The following CCAR1 variants were observed in gnomAD, a reference collection of about 807,000 sequenced individuals.
The protein encoded by CCAR1 is cell division cycle and apoptosis regulator 1.
CCAR1 carries 78 observed loss-of-function variants against 163.8 expected under a neutral mutation model. The observed-to-expected ratio is 0.48, with a 90% CI of 0.40 to 0.57. CCAR1 has a LOEUF of 0.57. Ranked by LOEUF, CCAR1 falls within the 20% of genes least tolerant of loss-of-function variation. The pLI is 0.00. For synonymous variants in CCAR1, 443 were observed against 460.7 expected (o/e 0.96, Z 0.49); for missense variants, 1,019 against 1,365.2 (o/e 0.75, Z 4.00).
intron 17 of CCAR1, among the ~76,000 whole-genome samples, chr10:68,766,779 C>G (rs531302657): frequency 2.3e-4 from 35 of 152,354 alleles, no homozygotes; most frequent in South Asian, 2.3e-3. Flanking sequence ...CCCGCCTCAG[C>G]CTCCCAAAGT....
At chr10:68,753,089 T>C (rs1215349693) in intron 10 of CCAR1, among the ~76,000 whole-genome samples, 1 of 9,332 alleles carries the variant, frequency 1.1e-4, no homozygotes, top group Non-Finnish European at 2.3e-4. Flanking sequence ...TTCATACTTC[T>C]GCTTTTAGTT....
At chr10:68,721,623 G>A in intron 1 of CCAR1, 1 of 444,534 alleles carries the variant, frequency 2.2e-6, no homozygotes, top group Admixed American at 2.4e-5. Flanking sequence ...CATCGTGGCG[G>A]CTCCCGGCGG....
Position 68,756,324 on chromosome 10 carries a change from G to T in CCAR1, c.1677G>T (p.Gly559=). Residue 559 remains glycine, a synonymous_variant, in exon 14 of 25, where the codon GGG becomes GGT. Coordinates refer to ENST00000265872, the MANE Select transcript of CCAR1 (RefSeq NM_018237.4). This position sits in a 1 kb window ranked among gnomAD's most constrained non-coding sequence, Gnocchi z 5.1. ...ATCGCCCTGAGGAGACCCACAAGGG[G>T]CGTACAGTTCCAGCTCATGTGGAGA... ...RYHRPEETHK[G]RTVPAHVETV... 3 of 1,614,066 alleles carry T rather than the reference G, an allele frequency of 1.9e-6. No individual in the cohort carries two copies. Among genetic ancestry groups the T allele is most frequent in the Non-Finnish European group, 2.5e-6 (3 of 1,180,018 alleles).
intron 16 of CCAR1, among the ~76,000 whole-genome samples, chr10:68,762,106 G>A (rs2056479256): frequency 6.6e-6 from 1 of 151,760 alleles, no homozygotes; most frequent in Non-Finnish European, 1.5e-5. Flanking sequence ...GAGGTGGGCG[G>A]ATCACGAGGT....
At chr10:68,757,646 C>T (rs556998220) in intron 15 of CCAR1, among the ~76,000 whole-genome samples, 1 of 152,106 alleles carries the variant, frequency 6.6e-6, no homozygotes, top group South Asian at 2.1e-4. Flanking sequence ...GAACTCCTGA[C>T]ATCAGGTGAT....
Position 68,738,818 on chromosome 10 carries a change from G to A in CCAR1, c.291+929G>A, listed in dbSNP as rs150008197. Among the ~76,000 whole-genome samples the A allele has an allele frequency of 6.6e-5, 10 of 152,106 alleles. No individual in the cohort carries two copies. The East Asian group carries it at 1.2e-3, about 18-fold the overall frequency. ...TCCAAGCACTTTGGGAGGCCAAGGC[G>A]GGCGGATCACTTGAGGTCAGGAGTT... On this transcript the variant is annotated intron_variant, in intron 4 of 24. Transcript: ENST00000265872.
chr10:68,750,100 C>T (rs1385469742), intron 10 of CCAR1, among the ~76,000 whole-genome samples: 1 of 151,832 alleles, frequency 6.6e-6, no homozygotes, highest in Non-Finnish European at 1.5e-5. Context: ...TATATACTCA[C>T]ATACATAATG....
At chr10:68,745,652 CG>C (rs1554819815) in intron 6 of CCAR1, among the ~76,000 whole-genome samples, 1 of 151,256 alleles carries the variant, frequency 6.6e-6, no homozygotes, top group South Asian at 2.1e-4. Flanking sequence ...TTAGTAGAGA[CG>C]GGGTTTCACC....
chr10:68,745,424 C>T (rs1242838074), intron 6 of CCAR1, among the ~76,000 whole-genome samples: 2 of 151,418 alleles, frequency 1.3e-5, no homozygotes, highest in African/African-American at 2.4e-5. Flanking sequence ...GCTTCAGCCT[C>T]TGAAGTAGCT....
chr10:68,757,572 C>A (rs184376445), intron 15 of CCAR1, among the ~76,000 whole-genome samples, 195 bp downstream of exon 15: 2 of 151,994 alleles, frequency 1.3e-5, no homozygotes, highest in South Asian at 4.1e-4. Flanking sequence ...CCTGCCACCA[C>A]GCCTGGCTAA....
At chr10:68,771,782 CA>C (rs1403035362) in intron 18 of CCAR1, among the ~76,000 whole-genome samples, 1 of 149,932 alleles carries the variant, frequency 6.7e-6, no homozygotes, top group Non-Finnish European at 1.5e-5. Context: ...GACTCCATCT[CA>C]AAAAAAAAGA....
intron 19 of CCAR1, among the ~76,000 whole-genome samples, chr10:68,784,492 C>T (rs1184075617): frequency 2.6e-5 from 4 of 152,132 alleles, no homozygotes; most frequent in African/African-American, 7.2e-5. Flanking sequence ...GGATTACAGG[C>T]GTGACCCACC....
intron 19 of CCAR1, among the ~76,000 whole-genome samples, chr10:68,773,985 C>T (rs1255941061): frequency 3.3e-5 from 5 of 152,104 alleles, no homozygotes; most frequent in East Asian, 2.0e-4. Context: ...CTCCGCCTCC[C>T]GGGTTCAAGC....
At chr10:68,742,967 C>G (rs1322977605) in intron 6 of CCAR1, among the ~76,000 whole-genome samples, 1 of 151,656 alleles carries the variant, frequency 6.6e-6, no homozygotes, top group African/African-American at 2.4e-5. Flanking sequence ...GAGCCTCACT[C>G]GGTTGCCAAG....
intron 17 of CCAR1, among the ~76,000 whole-genome samples, chr10:68,770,341 C>T (rs2056586670): frequency 6.6e-6 from 1 of 152,180 alleles, no homozygotes; most frequent in African/African-American, 2.4e-5. Context: ...TTTTTATCAG[C>T]TTTCTTCAGT....
At chr10:68,751,915 T>G (rs2056336498) in intron 10 of CCAR1, among the ~76,000 whole-genome samples, 1 of 138,510 alleles carries the variant, frequency 7.2e-6, no homozygotes, top group African/African-American at 2.9e-5. Context: ...TAGTTTTTTG[T>G]TTTTGTTTTT....
At chr10:68,749,786 CAGTT>C (rs1251885028) in intron 10 of CCAR1, 101 bp downstream of exon 10, 13 of 1,008,242 alleles carry the variant, frequency 1.3e-5, no homozygotes, top group South Asian at 1.6e-5. Flanking sequence ...GATTTCCCGA[CAGTT>C]AGTGTTCTTC....
chr10:68,723,351 G>C (rs1180147479), intron 2 of CCAR1, among the ~76,000 whole-genome samples: 10 of 149,066 alleles, frequency 6.7e-5, no homozygotes, highest in Admixed American at 5.4e-4. Context: ...GGATGGTCTC[G>C]ATCTCCTGAC....
At chr10:68,750,279 G>C (rs1237039331) in intron 10 of CCAR1, among the ~76,000 whole-genome samples, 1 of 142,614 alleles carries the variant, frequency 7.0e-6, no homozygotes, top group Admixed American at 7.4e-5. Flanking sequence ...GCAGTGGCAT[G>C]ATCTTAGCTC....
Sources: gnomAD v4.1 joint callset for allele counts (sites outside exome capture counted in the v4.1 genomes callset) on GRCh38, gnomAD v4.1.1 for gene constraint, Gnocchi (gnomAD v3.1) non-coding constraint, MANE v1.5 for transcripts, NCBI Gene and HGNC (gene_info 2026-07-23, HGNC 2026-07-21) for gene names.